The following STAG1 variants were observed in gnomAD, a reference collection of about 807,000 sequenced individuals.
The protein encoded by STAG1 is cohesin subunit SA-1.
A neutral mutation model predicts 170.9 loss-of-function variants in STAG1; 26 were observed. The observed-to-expected ratio is 0.15, with a 90% CI of 0.11 to 0.21. The LOEUF is 0.21. Ranked by LOEUF, STAG1 falls within the 10% of genes least tolerant of loss-of-function variation. The pLI, the probability that STAG1 is intolerant of heterozygous loss-of-function variation, is 1.00. For missense variants in STAG1, 964 were observed against 1,509.5 expected, an observed-to-expected ratio of 0.64 and a Z score of 5.99; for synonymous variants, 514 against 497.7, an observed-to-expected ratio of 1.03 and a Z score of -0.44.
At chr3:136,384,694 G>A (rs1576413725) in intron 22 of STAG1, among the ~76,000 whole-genome samples, 2 of 151,880 alleles carry the variant, frequency 1.3e-5, no homozygotes, top group Non-Finnish European at 2.9e-5. Context: ...CTTGAGCCTG[G>A]GAGGCGGAGG....
intron 15 of STAG1, among the ~76,000 whole-genome samples, chr3:136,440,943 A>G (rs183276368): frequency 6.6e-6 from 1 of 152,198 alleles, no homozygotes; most frequent in Admixed American, 6.5e-5. Flanking sequence ...TCCTGTGATC[A>G]CAAAAGTGAA....
intron 20 of STAG1, 69 bp downstream of exon 20, chr3:136,421,024 G>T: frequency 1.1e-6 from 1 of 901,306 alleles, no homozygotes; most frequent in Non-Finnish European, 1.7e-6. Context: ...GCCCATCTCG[G>T]CCTCTCAAAG....
At chr3:136,697,820 G>A (rs1942942946) in intron 1 of STAG1, among the ~76,000 whole-genome samples, 4 of 152,128 alleles carry the variant, frequency 2.6e-5, no homozygotes, top group Admixed American at 2.6e-4. Context: ...TCTTCAGCCT[G>A]ATTACATTCC....
intron 5 of STAG1, among the ~76,000 whole-genome samples, chr3:136,558,696 T>A (rs977038505): frequency 2.0e-5 from 3 of 152,230 alleles, no homozygotes; most frequent in African/African-American, 7.2e-5. Flanking sequence ...AAGTTACAAC[T>A]ACTTCAGAGA....
At chr3:136,739,142 G>A (rs937004496) in intron 1 of STAG1, among the ~76,000 whole-genome samples, 1 of 152,140 alleles carries the variant, frequency 6.6e-6, no homozygotes, top group African/African-American at 2.4e-5. Context: ...GAAATTTAGA[G>A]ACTGGGTTCT....
chr3:136,643,923 T>C (rs563471970), intron 1 of STAG1, among the ~76,000 whole-genome samples: 1 of 152,298 alleles, frequency 6.6e-6, no homozygotes, highest in African/African-American at 2.4e-5. Flanking sequence ...ATTATGTGAT[T>C]CGTAAACAAT....
intron 1 of STAG1, among the ~76,000 whole-genome samples, chr3:136,679,425 A>C (rs1019626362): frequency 6.6e-6 from 1 of 151,794 alleles, no homozygotes; most frequent in African/African-American, 2.4e-5. Flanking sequence ...ACAAAAAAAA[A>C]TACAAAAATT....
chr3:136,486,980 C>T (rs990328561), intron 9 of STAG1, among the ~76,000 whole-genome samples: 2 of 115,200 alleles, frequency 1.7e-5, no homozygotes, highest in African/African-American at 7.2e-5. Context: ...TATGCAATGC[C>T]GATTTTTTTT....
intron 1 of STAG1, among the ~76,000 whole-genome samples, chr3:136,701,602 T>A (rs1419015905): frequency 1.3e-5 from 2 of 152,152 alleles, no homozygotes; most frequent in African/African-American, 2.4e-5. Flanking sequence ...GATGTAAATA[T>A]GTTGAATCTC....
chr3:136,620,332 G>A (rs1436539674), intron 3 of STAG1, among the ~76,000 whole-genome samples: 1 of 152,110 alleles, frequency 6.6e-6, no homozygotes, highest in Non-Finnish European at 1.5e-5. Context: ...GATAGAAAAT[G>A]TCCAATATTT....
intron 28 of STAG1, among the ~76,000 whole-genome samples, chr3:136,352,119 A>G: frequency 6.6e-6 from 1 of 152,166 alleles, no homozygotes; most frequent in South Asian, 2.1e-4. Context: ...GAGTAGCTAT[A>G]TTATTATTTC....
intron 28 of STAG1, among the ~76,000 whole-genome samples, chr3:136,349,732 G>A (rs927561487): frequency 3.3e-5 from 5 of 152,176 alleles, no homozygotes; most frequent in African/African-American, 1.2e-4. Flanking sequence ...TAAGATGGTG[G>A]AGTAAGGAGG....
chr3:136,717,463 A>G (rs533077016), intron 1 of STAG1, among the ~76,000 whole-genome samples: 12 of 152,290 alleles, frequency 7.9e-5, no homozygotes, highest in Admixed American at 6.5e-4. Flanking sequence ...CAGGAGTTTG[A>G]GACCAGCCTG....
intron 16 of STAG1, among the ~76,000 whole-genome samples, chr3:136,425,358 T>C (rs1451999484): frequency 6.6e-6 from 1 of 151,270 alleles, no homozygotes. Context: ...GATTGGGGGG[T>C]GAGTGGGTGG....
chr3:136,477,169 A>AT, intron 10 of STAG1, 120 bp downstream of exon 10: 1 of 1,092,240 alleles, frequency 9.2e-7, no homozygotes, highest in African/African-American at 1.6e-5. Flanking sequence ...CAGCTGCATC[A>AT]TCTTAAAATT....
At chr3:136,559,152 T>TCTATCTAC (rs917311940) in intron 5 of STAG1, among the ~76,000 whole-genome samples, 2 of 107,226 alleles carry the variant, frequency 1.9e-5, no homozygotes, top group African/African-American at 5.3e-5. Flanking sequence ...TATCTATCTA[T>TCTATCTAC]CTATCTATCT....
intron 4 of STAG1, among the ~76,000 whole-genome samples, chr3:136,598,435 C>CT (rs1217043878): frequency 8.8e-4 from 118 of 133,462 alleles, no homozygotes; most frequent in Admixed American, 1.7e-3. Context: ...TTTTTTTTTT[C>CT]TTTTTTTTTG....
intron 2 of STAG1, among the ~76,000 whole-genome samples, chr3:136,626,194 A>G: frequency 6.6e-6 from 1 of 152,184 alleles, no homozygotes; most frequent in Non-Finnish European, 1.5e-5. Context: ...TTGGGAGGCC[A>G]AGGCCAGCAG....
At chr3:136,390,029 C>T (rs1237027566) in intron 22 of STAG1, among the ~76,000 whole-genome samples, 1 of 151,846 alleles carries the variant, frequency 6.6e-6, no homozygotes, top group Non-Finnish European at 1.5e-5. Context: ...GATGGGGTTT[C>T]ACCATATGGG....
Sources: gnomAD v4.1 joint callset for allele counts (sites outside exome capture counted in the v4.1 genomes callset) on GRCh38, gnomAD v4.1.1 for gene constraint, MANE v1.5 for transcripts, NCBI Gene and HGNC (gene_info 2026-07-23, HGNC 2026-07-21) for gene names.